NPAS2: variants seen among roughly 807,000 people sequenced by gnomAD.
NPAS2 encodes the protein neuronal PAS domain protein 2, also known as neuronal PAS domain-containing protein 2.
NPAS2 carries 23 observed loss-of-function variants against 107.5 expected under a neutral mutation model. The observed-to-expected ratio is 0.21, with a 90% confidence interval of 0.15 to 0.30. The LOEUF (loss-of-function observed/expected upper bound fraction) is 0.30, where lower values mean the gene tolerates loss of function less well. NPAS2 is among the 10% of genes least tolerant of loss of function. The pLI is 1.00. For missense variants in NPAS2, 756 were observed against 1,043.3 expected (o/e 0.72, Z 3.79); for synonymous variants, 403 against 417.5 (o/e 0.97, Z 0.42).
chr2:100,939,652 C>T (rs373894900), intron 5 of NPAS2, among the ~76,000 whole-genome samples: 17 of 151,988 alleles, frequency 1.1e-4, no homozygotes, highest in African/African-American at 3.6e-4. Flanking sequence ...AGGCACTGAC[C>T]GAAAGCAACC....
intron 1 of NPAS2, among the ~76,000 whole-genome samples, chr2:100,825,293 T>C (rs1314716211): frequency 1.3e-5 from 2 of 152,228 alleles, no homozygotes; most frequent in Non-Finnish European, 2.9e-5. Flanking sequence ...CTGAAAATTA[T>C]TGGTTTTTTG....
rs1312682976 is a variant in NPAS2 at position 100,820,981 on chromosome 2, C to G, written c.-23+567C>G. The G allele has an allele frequency of 1.2e-5, 15 of 1,247,314 alleles. No homozygotes were observed. Among genetic ancestry groups the G allele is most frequent in the Admixed American group, 2.4e-5 (1 of 40,894 alleles). The allele number at this position is 1,247,314 out of a possible 1,614,324, so 77.3% of individuals were successfully genotyped here. A position where few individuals can be genotyped will look rare whatever the true frequency, so the allele number is the denominator to read the frequency against. On this transcript the variant is annotated intron_variant, in intron 1 of 20. Transcript: ENST00000335681. This position sits in a 1 kb window ranked among gnomAD's most constrained non-coding sequence, Gnocchi z 5.6. ...AGACAGCGTGCAGCCTGGCTCCTCA[C>G]GTCGCTGCCGCCCCCCCACCCCAAC... is the stretch of plus-strand genomic sequence containing the variant.
chr2:100,852,884 AAAAT>A (rs1389495176), intron 1 of NPAS2, among the ~76,000 whole-genome samples: 2 of 152,198 alleles, frequency 1.3e-5, no homozygotes, highest in African/African-American at 4.8e-5. Context: ...AAAATAAAAT[AAAAT>A]AAATAAAAGA....
rs367762311 is a variant in NPAS2, at chr2:100,995,358, C to A, written c.2293-42C>A. On this transcript the variant is annotated intron_variant, in intron 20 of 20. Transcript: ENST00000335681. ...CCTTGTAAGACAGTTGAGGAGCGGA[C>A]ATCAGAACCACCTCTGAAGCCCTTT... The A allele has an allele frequency of 1.9e-6, 3 of 1,559,358 alleles. No individual in the cohort carries two copies. In the African/African-American group the frequency reaches 4.1e-5, roughly 21 times the overall value.
chr2:100,871,044 G>A (rs947198425), intron 1 of NPAS2, among the ~76,000 whole-genome samples: 2 of 152,194 alleles, frequency 1.3e-5, no homozygotes, highest in Non-Finnish European at 2.9e-5. Context: ...CCATCACACT[G>A]CCCTGGGCAA....
In NPAS2 at chr2:100,995,901, G is replaced by A. The variant is rs1032455419; in HGVS notation, c.*319G>A. ...GATGGCGCATCTCGCTGCATCCCCC[G>A]AGAGTACACCGGTTGCTCTAGCCAC... On this transcript the variant is annotated 3_prime_UTR_variant, in exon 21 of 21. Transcript: ENST00000335681. 1.8e-5 allele frequency: 26 copies of A among 1,445,992 alleles called. No homozygotes were observed. The Admixed American group carries it at 4.8e-4, about 27-fold the overall frequency. The allele number at this position is 1,445,992 out of a possible 1,614,324, so 89.6% of individuals were successfully genotyped here.
intron 1 of NPAS2, among the ~76,000 whole-genome samples, chr2:100,852,134 T>A (rs548502756): frequency 4.6e-5 from 7 of 152,146 alleles, no homozygotes; most frequent in African/African-American, 9.7e-5. Context: ...CGGTGGCTCC[T>A]GCCTGTAATC....
At chr2:100,990,517 T>G in intron 18 of NPAS2, 71 bp downstream of exon 18, 1 of 1,507,296 alleles carries the variant, frequency 6.6e-7, no homozygotes, top group Middle Eastern at 1.7e-4. Flanking sequence ...CTCTACTTTC[T>G]GCTTTAGACG....
intron 7 of NPAS2, among the ~76,000 whole-genome samples, chr2:100,959,064 G>T (rs142573768): frequency 7.4e-6 from 1 of 135,618 alleles, no homozygotes; most frequent in Admixed American, 9.0e-5. Context: ...ACCAGCCTGG[G>T]CAACATGGTG....
intron 1 of NPAS2, among the ~76,000 whole-genome samples, chr2:100,830,966 A>G (rs1426674546): frequency 6.6e-6 from 1 of 152,120 alleles, no homozygotes; most frequent in Non-Finnish European, 1.5e-5. Context: ...TGGAGTGAGG[A>G]CAAGGGGAAG....
At chr2:100,928,099 C>A (rs1683698153) in intron 3 of NPAS2, among the ~76,000 whole-genome samples, 1 of 152,032 alleles carries the variant, frequency 6.6e-6, no homozygotes, top group East Asian at 1.9e-4. Context: ...TTTATTATTT[C>A]TTTGATGATC....
chr2:100,947,367 A>G (rs770705702), intron 5 of NPAS2, among the ~76,000 whole-genome samples: 18 of 152,108 alleles, frequency 1.2e-4, no homozygotes, highest in Non-Finnish European at 2.5e-4. Flanking sequence ...CCTGGCCAAC[A>G]CGGTGAAACC....
intron 1 of NPAS2, among the ~76,000 whole-genome samples, chr2:100,856,328 C>A (rs561504577): frequency 1.3e-5 from 2 of 152,286 alleles, no homozygotes; most frequent in South Asian, 2.1e-4. Context: ...AGAACTGTTT[C>A]GTTACATGAC....
At chr2:100,935,361 G>A (rs1373361419) in intron 4 of NPAS2, among the ~76,000 whole-genome samples, 1 of 152,198 alleles carries the variant, frequency 6.6e-6, no homozygotes, top group African/African-American at 2.4e-5. Context: ...TCTAATGTGT[G>A]GCGGTTAGAA....
At chr2:100,993,284 T>C in intron 19 of NPAS2, 63 bp from the exon 20 acceptor site, 1 of 1,422,558 alleles carries the variant, frequency 7.0e-7, no homozygotes, top group Non-Finnish European at 9.4e-7. Flanking sequence ...TTGCTCGTGC[T>C]TTTGGTGTCG....
intron 1 of NPAS2, among the ~76,000 whole-genome samples, chr2:100,864,386 T>G (rs892806599): frequency 6.6e-6 from 1 of 152,234 alleles, no homozygotes; most frequent in Non-Finnish European, 1.5e-5. Flanking sequence ...CAAAACTGTG[T>G]GATATAATAA....
chr2:100,982,475 G>C (rs1677506598), intron 16 of NPAS2, 98 bp downstream of exon 16: 1 of 1,388,094 alleles, frequency 7.2e-7, no homozygotes, highest in African/African-American at 1.4e-5. Context: ...CAAGCCCTGT[G>C]AACTGCCCTG....
At chr2:100,847,146 T>C (rs1192096381) in intron 1 of NPAS2, 2 of 152,228 alleles carry the variant, frequency 1.3e-5, no homozygotes, top group Non-Finnish European at 2.9e-5. Flanking sequence ...TTGGGACTGA[T>C]TTGCTATCTA....
At chr2:100,964,833 T>C (rs1573738109) in intron 8 of NPAS2, 28 bp from the exon 9 acceptor site, 2 of 616,454 alleles carry the variant, frequency 3.2e-6, no homozygotes, top group Non-Finnish European at 4.7e-6. Flanking sequence ...CCCAAGCAAC[T>C]TTTTTTTTTT....
Sources: gnomAD v4.1 joint callset for allele counts (sites outside exome capture counted in the v4.1 genomes callset) on GRCh38, gnomAD v4.1.1 for gene constraint, Gnocchi (gnomAD v3.1) non-coding constraint, MANE v1.5 for transcripts, NCBI Gene and HGNC (gene_info 2026-07-23, HGNC 2026-07-21) for gene names.